Variants in FMN2 observed in about 807,000 individuals in gnomAD.
FMN2 encodes formin 2.
In FMN2, 51 loss-of-function variants were observed where a neutral mutation model predicts 142.3. The ratio of observed to expected loss-of-function variants is 0.36; its 90% CI spans 0.29 to 0.45. The LOEUF (loss-of-function observed/expected upper bound fraction) is 0.45. FMN2 is among the 20% of genes least tolerant of loss of function. FMN2 has a pLI of 1.00. For missense variants in FMN2, 1,936 were observed against 2,122.8 expected (o/e 0.91, Z 1.73); for synonymous variants, 882 against 869.8 (o/e 1.01, Z -0.25).
rs573718371 is a variant in FMN2 at position 240,473,666 on chromosome 1, TC to T, written c.5143-461del. On this transcript the variant is annotated intron_variant, in intron 17 of 17. Transcript: ENST00000319653. The surrounding 1 kb of genome is among the most constrained non-coding windows in gnomAD (Gnocchi z 4.3). ...CTAATGATAACTACTACATGATAGTTCAGCTTATCTTCTGCTCCTGATGATT... is the reference window on the plus strand; with the variant it reads ...CTAATGATAACTACTACATGATAGTTAGCTTATCTTCTGCTCCTGATGATT... Among the ~76,000 whole-genome samples, 5 of 152,330 alleles carry T rather than the reference TC, an allele frequency of 3.3e-5. No individual in the cohort carries two copies. The highest frequency in any genetic ancestry group is 3.3e-4 in the Admixed American group (5 of 15,298).
intron 8 of FMN2, among the ~76,000 whole-genome samples, chr1:240,300,647 C>T (rs934022633): frequency 1.3e-5 from 2 of 152,226 alleles, no homozygotes; most frequent in South Asian, 2.1e-4. Flanking sequence ...TATAACTTAC[C>T]TTCTTTTACT....
intron 6 of FMN2, among the ~76,000 whole-genome samples, chr1:240,233,819 C>T (rs947441367): frequency 1.5e-4 from 23 of 152,148 alleles, no homozygotes; most frequent in African/African-American, 5.6e-4. Flanking sequence ...CAGGCGGACT[C>T]ACACATTGCA....
At chr1:240,285,017 T>C (rs1381727669) in intron 7 of FMN2, among the ~76,000 whole-genome samples, 2 of 152,172 alleles carry the variant, frequency 1.3e-5, no homozygotes, top group Non-Finnish European at 2.9e-5. Context: ...CTTTTTCCTC[T>C]TCGTTTCCTT....
chr1:240,215,125 G>A (rs966997032), intron 6 of FMN2, among the ~76,000 whole-genome samples: 2 of 152,156 alleles, frequency 1.3e-5, no homozygotes, highest in African/African-American at 4.8e-5. Flanking sequence ...TTACTTGGGA[G>A]TGATTTTGAT....
chr1:240,259,264 G>T (rs1365379143), intron 7 of FMN2, among the ~76,000 whole-genome samples: 1 of 152,078 alleles, frequency 6.6e-6, no homozygotes, highest in Non-Finnish European at 1.5e-5. Context: ...TATTCAACTC[G>T]GGTTGAGTTG....
At chr1:240,248,944 T>G (rs537328606) in intron 6 of FMN2, among the ~76,000 whole-genome samples, 1 of 152,180 alleles carries the variant, frequency 6.6e-6, no homozygotes, top group South Asian at 2.1e-4. Context: ...TTTACTTACT[T>G]ATTCATTTTT....
At chr1:240,109,614 A>G (rs2103191686) in intron 1 of FMN2, among the ~76,000 whole-genome samples, 1 of 152,250 alleles carries the variant, frequency 6.6e-6, no homozygotes, top group African/African-American at 2.4e-5. Flanking sequence ...TGTGTCTTTA[A>G]TATTGTTTTG....
intron 1 of FMN2, among the ~76,000 whole-genome samples, chr1:240,107,688 T>C (rs2103188292): frequency 6.6e-6 from 1 of 152,296 alleles, no homozygotes; most frequent in East Asian, 1.9e-4. Context: ...AATTTCTCTA[T>C]TTATTTTTGT....
chr1:240,214,920 G>A (rs370370913), intron 6 of FMN2, among the ~76,000 whole-genome samples: 1 of 152,118 alleles, frequency 6.6e-6, no homozygotes, highest in Admixed American at 6.6e-5. Flanking sequence ...ATAAAAATTA[G>A]CTGGGTGCAG....
At chr1:240,123,505 C>CA (rs71168901) in intron 2 of FMN2, among the ~76,000 whole-genome samples, 160 bp downstream of exon 2, 7,276 of 107,714 alleles carry the variant, frequency 0.068, 703 homozygotes, top group African/African-American at 0.21. Context: ...TGTTTGTACA[C>CA]AAAAAAAAAA....
chr1:240,354,681 C>T (rs1672206081), intron 13 of FMN2, among the ~76,000 whole-genome samples: 1 of 152,142 alleles, frequency 6.6e-6, no homozygotes, highest in Non-Finnish European at 1.5e-5. Context: ...ATAATACAGC[C>T]TTCCTAGATT....
intron 6 of FMN2, among the ~76,000 whole-genome samples, chr1:240,256,770 C>T (rs2014412): frequency 0.38 from 57,922 of 150,730 alleles, 11,479 homozygotes; most frequent in East Asian, 0.55. Context: ...AAACAAACAA[C>T]GACAACAAAA....
At position 240,277,299 on chromosome 1, in the gene FMN2, T is replaced by C. The variant is rs187815188; in HGVS notation, c.4154-17523T>C. Among the ~76,000 whole-genome samples the C allele has an allele frequency of 2.8e-3, 426 of 152,130 alleles. 2 individuals carry two copies. Among genetic ancestry groups the C allele is most frequent in the African/African-American group, 9.9e-3 (410 of 41,520 alleles). ...GACATTAATTATTTCATTAGAAAAA[T>C]ATATTTCTTCTAATTCTTAGAATTT... On this transcript the variant is annotated intron_variant, in intron 7 of 17. Coordinates refer to ENST00000319653, the MANE Select transcript of FMN2 (RefSeq NM_020066.5).
intron 6 of FMN2, among the ~76,000 whole-genome samples, chr1:240,223,412 C>T (rs988186306): frequency 7.2e-5 from 11 of 152,068 alleles, no homozygotes; most frequent in South Asian, 2.1e-4. Context: ...ATTTTCGCAT[C>T]GATGTTCATT....
intron 14 of FMN2, among the ~76,000 whole-genome samples, chr1:240,370,053 G>A (rs753127527): frequency 1.3e-5 from 2 of 152,056 alleles, no homozygotes; most frequent in African/African-American, 2.4e-5. Flanking sequence ...TGGTTATGTC[G>A]GACGATTTGA....
Position 240,092,901 on chromosome 1 carries a change from G to A in FMN2, c.792G>A (p.Pro264=). The A allele has an allele frequency of 6.7e-7, 1 of 1,501,694 alleles. No homozygotes were observed. Among genetic ancestry groups the A allele is most frequent in the Non-Finnish European group, 8.8e-7 (1 of 1,133,516 alleles). The allele number at this position is 1,501,694 out of a possible 1,614,324, so 93.0% of individuals were successfully genotyped here. The change falls in exon 1 of 18, where the codon CCG becomes CCA. Residue 264 remains proline (P), a synonymous_variant. Transcript: ENST00000319653. Reference sequence around the variant, plus strand: ...CGAGCGGCGGGGCTGGGGAGGCCCCGGGCAGTCCGGACACCGAGCAGGCGC... The same window carrying A: ...CGAGCGGCGGGGCTGGGGAGGCCCCAGGCAGTCCGGACACCGAGCAGGCGC... ...LGPSGGAGEA[P]GSPDTEQALS...
intron 13 of FMN2, among the ~76,000 whole-genome samples, chr1:240,338,850 C>G (rs949563809): frequency 5.9e-5 from 9 of 152,160 alleles, no homozygotes; most frequent in Non-Finnish European, 1.2e-4. Flanking sequence ...AACAACTCAT[C>G]ATAATGAAGA....
chr1:240,386,821 T>C (rs548413500), intron 14 of FMN2, among the ~76,000 whole-genome samples: 1 of 152,338 alleles, frequency 6.6e-6, no homozygotes, highest in South Asian at 2.1e-4. Context: ...ATGGTCTCTT[T>C]GGTAGGATCA....
rs143244432 is a variant in FMN2, at chr1:240,455,362, T to C, written c.5061-17010T>C. Among the ~76,000 whole-genome samples the C allele has an allele frequency of 9.4e-3, 1,422 of 151,960 alleles. 26 individuals carry two copies. Among genetic ancestry groups the C allele is most frequent in the African/African-American group, 0.033 (1,371 of 41,446 alleles). On this transcript the variant is annotated intron_variant, in intron 16 of 17. Coordinates refer to ENST00000319653, the MANE Select transcript of FMN2 (RefSeq NM_020066.5). Reference sequence around the variant, plus strand: ...ATCCCCATCTCTACAAAAAATAAAATAAAAAGTTAGCTGGGTGTGGTGGCA... The same window carrying C: ...ATCCCCATCTCTACAAAAAATAAAACAAAAAGTTAGCTGGGTGTGGTGGCA...
Sources: gnomAD v4.1 joint callset for allele counts (sites outside exome capture counted in the v4.1 genomes callset) on GRCh38, gnomAD v4.1.1 for gene constraint, Gnocchi (gnomAD v3.1) non-coding constraint, MANE v1.5 for transcripts, NCBI Gene and HGNC (gene_info 2026-07-23, HGNC 2026-07-21) for gene names.